The following EXOC1 variants were observed in gnomAD, a reference collection of about 807,000 sequenced individuals.
EXOC1 encodes exocyst complex component 1.
A neutral mutation model predicts 107.7 loss-of-function variants in EXOC1; 67 were observed. That is an observed-to-expected ratio of 0.62 (90% CI 0.51 to 0.76). EXOC1 has a LOEUF of 0.76. Among genes scored for constraint, EXOC1 ranks in the 30% least tolerant of loss-of-function variants. EXOC1 has a pLI of 0.00. For missense variants in EXOC1, 833 were observed against 1,055.7 expected (o/e 0.79, Z 2.92); for synonymous variants, 348 against 353.5 (o/e 0.98, Z 0.17).
chr4:55,890,168 C>G, intron 11 of EXOC1, 55 bp from the exon 12 acceptor site: 8 of 1,558,162 alleles, frequency 5.1e-6, no homozygotes, highest in Non-Finnish European at 7.1e-6. Context: ...CTGCTTTATA[C>G]TTTGGATCAT....
rs749724076 is a variant in EXOC1, at chr4:55,871,244, TAGAA to T, written c.964+13_964+16del. 1.9e-6 allele frequency: 3 copies of T among 1,598,062 alleles called. No individual in the cohort carries two copies. The South Asian group carries it at 3.4e-5, about 18-fold the overall frequency. ...TAGCTCTTCGACCAGGTATGTTCAT[TAGAA>T]ATGACAAAAATGTGACCAAGAATGT... On this transcript the variant is annotated intron_variant, in intron 7 of 18. Transcript: ENST00000381295.
chr4:55,902,336 C>A lies in EXOC1; in HGVS notation c.2338-8C>A. The A allele has an allele frequency of 7.0e-7, 1 of 1,421,640 alleles. No individual in the cohort carries two copies. The highest frequency in any genetic ancestry group is 9.2e-7 in the Non-Finnish European group (1 of 1,085,016). The allele number at this position is 1,421,640 out of a possible 1,614,324, so 88.1% of individuals were successfully genotyped here. On this transcript the variant is annotated splice_region_variant and splice_polypyrimidine_tract_variant and intron_variant, in intron 17 of 18. Coordinates refer to ENST00000381295, the MANE Select transcript of EXOC1 (RefSeq NM_001024924.2). ...TCTTAGCCATTGTTTCTTTTCATTT[C>A]CTTGAAGCATTTCTTTGAAGGTGTT...
intron 10 of EXOC1, among the ~76,000 whole-genome samples, chr4:55,884,721 C>T (rs1191903630): frequency 2.0e-5 from 3 of 152,196 alleles, no homozygotes; most frequent in Non-Finnish European, 4.4e-5. Flanking sequence ...AGTGTGTCTG[C>T]ATAGCTCCCC....
chr4:55,884,071 A>G (rs1191998190), intron 10 of EXOC1, 143 bp downstream of exon 10: 8 of 611,034 alleles, frequency 1.3e-5, no homozygotes, highest in Non-Finnish European at 2.0e-5. Flanking sequence ...GGCTTGATTT[A>G]TAGCCGTTTC....
At chr4:55,877,304 C>T in intron 8 of EXOC1, 4 of 985,262 alleles carry the variant, frequency 4.1e-6, no homozygotes, top group Non-Finnish European at 3.6e-6. Flanking sequence ...GCTATCTAGG[C>T]AAATTAGATT....
At chr4:55,875,862 TG>T in intron 8 of EXOC1, 1 of 931,948 alleles carries the variant, frequency 1.1e-6, no homozygotes, top group Non-Finnish European at 1.3e-6. Context: ...CCCAGGAGTT[TG>T]GGGGCAACCT....
At chr4:55,877,428 G>A (rs1397804131) in intron 8 of EXOC1, 3 of 985,148 alleles carry the variant, frequency 3.0e-6, no homozygotes, top group Non-Finnish European at 3.6e-6. Flanking sequence ...AGATGACCAA[G>A]GTTCCAATTC....
At chr4:55,866,423 T>C (rs565542070) in intron 4 of EXOC1, among the ~76,000 whole-genome samples, 2 of 152,328 alleles carry the variant, frequency 1.3e-5, no homozygotes, top group Non-Finnish European at 2.9e-5. Flanking sequence ...AATTTTTTAC[T>C]TGCCTCAATC....
chr4:55,887,718 C>A (rs1724061350), intron 10 of EXOC1, among the ~76,000 whole-genome samples: 1 of 149,804 alleles, frequency 6.7e-6, no homozygotes, highest in Admixed American at 6.6e-5. Context: ...CTAATGAGAT[C>A]CTGCCTCAAA....
rs768696262 is a variant in EXOC1, at chr4:55,871,075, A to G, written c.832-26A>G. The G allele has an allele frequency of 8.7e-6, 14 of 1,607,838 alleles. No homozygotes were observed. The Middle Eastern group carries it at 5.0e-4, about 57-fold the overall frequency. On this transcript the variant is annotated intron_variant, in intron 6 of 18. Transcript: ENST00000381295. ...GTAAATTTCCCAAAATTACACATGC[A>G]AATGGTGTGTTTGCATATATTCTAG... is the stretch of plus-strand genomic sequence containing the variant.
chr4:55,863,114 A>G (rs1721629348), intron 3 of EXOC1, among the ~76,000 whole-genome samples: 1 of 152,030 alleles, frequency 6.6e-6, no homozygotes, highest in African/African-American at 2.4e-5. Flanking sequence ...TGCCCAGGCC[A>G]GTCTCAAATT....
chr4:55,895,360 T>C lies in EXOC1; in HGVS notation c.1954-1357T>C, dbSNP rs917189429. 5.3e-5 allele frequency among the ~76,000 whole-genome samples: 8 copies of C among 152,188 alleles called. No homozygotes were observed. In the South Asian group the frequency reaches 1.2e-3, roughly 24 times the overall value. ...TCCCCAGGTCCACAGTTAAAAAATATGGATCTTGTATTCAAACCCAGAAAG... is the reference window on the plus strand; with the variant it reads ...TCCCCAGGTCCACAGTTAAAAAATACGGATCTTGTATTCAAACCCAGAAAG... On this transcript the variant is annotated intron_variant, in intron 15 of 18. Coordinates refer to ENST00000381295, the MANE Select transcript of EXOC1 (RefSeq NM_001024924.2).
At chr4:55,892,917 T>G (rs1449098436) in intron 14 of EXOC1, among the ~76,000 whole-genome samples, 1 of 152,186 alleles carries the variant, frequency 6.6e-6, no homozygotes, top group East Asian at 1.9e-4. Context: ...CTCCAGGACT[T>G]ACAGAAGATG....
intron 3 of EXOC1, among the ~76,000 whole-genome samples, chr4:55,861,614 C>T (rs1325890215): frequency 6.6e-6 from 1 of 152,158 alleles, no homozygotes; most frequent in African/African-American, 2.4e-5. Flanking sequence ...TAAATCATGC[C>T]TTTTCTTTAA....
intron 16 of EXOC1, among the ~76,000 whole-genome samples, 185 bp downstream of exon 16, chr4:55,897,085 A>G (rs905676167): frequency 1.1e-4 from 17 of 150,874 alleles, no homozygotes; most frequent in Admixed American, 9.3e-4. Context: ...AACCACTTAC[A>G]TTTTAGGGTT....
In EXOC1 at chr4:55,874,609, G is replaced by A. The variant is rs140830030; in HGVS notation, c.1074+2651G>A. The stretch of plus-strand genomic sequence containing the variant: ...ATGCAACTTTCCTATTAATACTTCT[G>A]TGTTATCTATACTTAAGTGAAACTT... On this transcript the variant is annotated intron_variant, in intron 8 of 18. Transcript: ENST00000381295. Among the ~76,000 whole-genome samples the A allele has an allele frequency of 2.9e-3, 437 of 152,166 alleles. 4 individuals are homozygous for A. The highest frequency in any genetic ancestry group is 0.01 in the African/African-American group (423 of 41,540).
At chr4:55,862,468 A>G (rs1318284352) in intron 3 of EXOC1, among the ~76,000 whole-genome samples, 1 of 152,114 alleles carries the variant, frequency 6.6e-6, no homozygotes, top group African/African-American at 2.4e-5. Flanking sequence ...AGCTTCTTTT[A>G]TGGTATTATG....
intron 4 of EXOC1, 79 bp downstream of exon 4, chr4:55,864,465 T>C: frequency 8.4e-7 from 1 of 1,192,006 alleles, no homozygotes; most frequent in Non-Finnish European, 1.2e-6. Flanking sequence ...TTCAAATTAA[T>C]TAGAATACTG....
chr4:55,877,361 T>A, intron 8 of EXOC1: 1 of 984,910 alleles, frequency 1.0e-6, no homozygotes, highest in Non-Finnish European at 1.2e-6. Context: ...GCCTTTTGCT[T>A]GTTGTTGGGA....
Sources: gnomAD v4.1 joint callset for allele counts (sites outside exome capture counted in the v4.1 genomes callset) on GRCh38, gnomAD v4.1.1 for gene constraint, MANE v1.5 for transcripts, NCBI Gene and HGNC (gene_info 2026-07-23, HGNC 2026-07-21) for gene names.